The following ATG7 variants were observed in gnomAD, a reference collection of about 807,000 sequenced individuals.
The protein encoded by ATG7 is ubiquitin-like modifier-activating enzyme ATG7.
ATG7 carries 70 observed loss-of-function variants against 82.4 expected under a neutral mutation model. The ratio of observed to expected loss-of-function variants is 0.85; its 90% CI spans 0.70 to 1.04. The LOEUF (loss-of-function observed/expected upper bound fraction) is 1.04, where lower values mean the gene tolerates loss of function less well. Ranked by LOEUF, ATG7 falls within the 50% of genes least tolerant of loss-of-function variation. The pLI, the probability that ATG7 is intolerant of heterozygous loss-of-function variation, is 0.00. For synonymous variants in ATG7, 287 were observed against 313.0 expected (o/e 0.92, Z 0.88); for missense variants, 792 against 864.3 (o/e 0.92, Z 1.05).
chr3:11,306,800 C>T, intron 5 of ATG7, 143 bp from the exon 6 acceptor site: 1 of 685,854 alleles, frequency 1.5e-6, no homozygotes, highest in South Asian at 1.8e-5. Context: ...TGATATTCAT[C>T]TTTTTCCAAG....
chr3:11,403,310 A>G (rs2080018243), intron 19 of ATG7, among the ~76,000 whole-genome samples: 1 of 151,738 alleles, frequency 6.6e-6, no homozygotes, highest in African/African-American at 2.4e-5. Flanking sequence ...AGAATGGAGA[A>G]TAATATAGAT....
chr3:11,538,129 C>T (rs190773720), intron 20 of ATG7, among the ~76,000 whole-genome samples: 1 of 152,240 alleles, frequency 6.6e-6, no homozygotes, highest in East Asian at 1.9e-4. Context: ...GGGAACCTGA[C>T]GGAAGGTTGG....
chr3:11,323,414 G>A (rs1052600128), intron 9 of ATG7, among the ~76,000 whole-genome samples: 1 of 152,182 alleles, frequency 6.6e-6, no homozygotes, highest in Non-Finnish European at 1.5e-5. Flanking sequence ...AGGATCAGAT[G>A]TTGTAGTATT....
chr3:11,333,130 A>G, intron 11 of ATG7, 37 bp downstream of exon 11: 1 of 1,508,988 alleles, frequency 6.6e-7, no homozygotes, highest in Non-Finnish European at 8.9e-7. Flanking sequence ...TATAATTATC[A>G]TTTATCAGAA....
At chr3:11,568,192 C>A in the ATG7 span, among the ~76,000 whole-genome samples, 1 of 152,210 alleles carries the variant, frequency 6.6e-6, no homozygotes, top group African/African-American at 2.4e-5. This position sits in a 1 kb window ranked among gnomAD's most constrained non-coding sequence, Gnocchi z 5.9. Context: ...AGGCGTCTGC[C>A]CATGTCCAAA....
chr3:11,343,900 G>T (rs1954067733), intron 13 of ATG7, among the ~76,000 whole-genome samples: 1 of 152,094 alleles, frequency 6.6e-6, no homozygotes, highest in Admixed American at 6.6e-5. Context: ...AGATAAATTA[G>T]AAGGGATTGA....
intron 20 of ATG7, among the ~76,000 whole-genome samples, 165 bp downstream of exon 20, chr3:11,427,091 A>T (rs1432587728): frequency 6.6e-6 from 1 of 152,244 alleles, no homozygotes; most frequent in South Asian, 2.1e-4. Context: ...ACCCTCAGCA[A>T]GTGCTGGATA....
At chr3:11,431,203 ACCAG>A (rs531435304) in intron 20 of ATG7, among the ~76,000 whole-genome samples, 134 of 152,338 alleles carry the variant, frequency 8.8e-4, no homozygotes, top group African/African-American at 3.1e-3. Context: ...GGAGTTTGAG[ACCAG>A]CCTAGCCAAC....
chr3:11,498,777 C>G (rs2091071947), intron 20 of ATG7, among the ~76,000 whole-genome samples: 1 of 152,214 alleles, frequency 6.6e-6, no homozygotes, highest in Admixed American at 6.5e-5. Flanking sequence ...GGGGCCAGGC[C>G]CAACCCACTT....
At chr3:11,489,890 C>T (rs1019084318) in intron 20 of ATG7, among the ~76,000 whole-genome samples, 3 of 152,012 alleles carry the variant, frequency 2.0e-5, no homozygotes, top group African/African-American at 7.3e-5. Context: ...GAGTGCTTTA[C>T]TTCCAAGTAT....
intron 14 of ATG7, among the ~76,000 whole-genome samples, chr3:11,357,813 C>T (rs989823917): frequency 6.6e-6 from 1 of 151,852 alleles, no homozygotes; most frequent in Non-Finnish European, 1.5e-5. Context: ...AGTTCGAGAG[C>T]AGCCTGGGCA....
intron 20 of ATG7, among the ~76,000 whole-genome samples, chr3:11,495,999 G>C (rs908793262): frequency 1.3e-5 from 2 of 152,184 alleles, no homozygotes; most frequent in Admixed American, 6.5e-5. Flanking sequence ...CCACATGGTA[G>C]CCCTATGACG....
At chr3:11,551,590 T>G (rs1387965742) in intron 20 of ATG7, among the ~76,000 whole-genome samples, 1 of 152,190 alleles carries the variant, frequency 6.6e-6, no homozygotes, top group Non-Finnish European at 1.5e-5. Flanking sequence ...TTTTATAATT[T>G]TTTTTAAAGT....
rs1463494502 is a variant in ATG7 at position 11,342,249 on chromosome 3, C to T, written c.1095C>T (p.Thr365=). The T allele has an allele frequency of 6.2e-7, 1 of 1,613,468 alleles. No individual in the cohort carries two copies. Among genetic ancestry groups the T allele is most frequent in the South Asian group, 1.1e-5 (1 of 91,034 alleles). The change falls in exon 13 of 21, where the codon ACC becomes ACT. Residue 365 remains threonine, a synonymous_variant. Transcript: ENST00000693202. ...SVKCLLLGAG[T]LGCNVARTLM... is the part of the protein sequence containing the mutation. ...AATGTCTGCTGCTTGGAGCCGGCAC[C>T]TTGGGTTGCAATGTAGCTAGGACGT...
rs376334451 is a variant in ATG7, at chr3:11,319,823, G to A, written c.678+4330G>A. Among the ~76,000 whole-genome samples, 17 of 152,170 alleles carry A rather than the reference G, an allele frequency of 1.1e-4. 1 individual carries two copies. In the South Asian group the frequency reaches 2.5e-3, roughly 22 times the overall value. ...AATGTCTCTCAGCCTACCACCTTGC[G>A]TTTCTTCTGCCACCACCTCAATCTC... On this transcript the variant is annotated intron_variant, in intron 9 of 20. Transcript: ENST00000693202.
chr3:11,404,640 C>T (rs1270540758), intron 19 of ATG7, among the ~76,000 whole-genome samples: 2 of 151,984 alleles, frequency 1.3e-5, no homozygotes, highest in Non-Finnish European at 1.5e-5. Flanking sequence ...TCATGCTGCT[C>T]ATAAAGACAT....
downstream of ATG7, among the ~76,000 whole-genome samples, chr3:11,561,253 A>G (rs541360210): frequency 6.6e-6 from 1 of 152,280 alleles, no homozygotes; most frequent in East Asian, 1.9e-4. Context: ...GGGAGGGGGA[A>G]TCAAGGAAGA....
intron 20 of ATG7, among the ~76,000 whole-genome samples, chr3:11,480,283 C>A (rs977414603): frequency 2.0e-5 from 3 of 152,074 alleles, no homozygotes; most frequent in African/African-American, 7.2e-5. Flanking sequence ...GCCTGTAATG[C>A]CAGCACTTTG....
chr3:11,458,619 C>T (rs949647690), intron 20 of ATG7, among the ~76,000 whole-genome samples: 6 of 152,188 alleles, frequency 3.9e-5, no homozygotes, highest in African/African-American at 1.4e-4. Flanking sequence ...GTGACCATAG[C>T]TAGTTACTTC....
Sources: allele counts gnomAD v4.1 joint callset (sites outside exome capture counted in the v4.1 genomes callset), GRCh38; gene constraint gnomAD v4.1.1; non-coding constraint Gnocchi (gnomAD v3.1); transcripts MANE v1.5; gene names NCBI Gene and HGNC (gene_info 2026-07-23, HGNC 2026-07-21).